Variants in FRS2 observed in about 807,000 individuals in gnomAD.
FRS2 encodes the protein fibroblast growth factor receptor substrate 2, also known as FGFR signalling adaptor.
A neutral mutation model predicts 43.9 loss-of-function variants in FRS2; 8 were observed. The ratio of observed to expected loss-of-function variants is 0.18; its 90% CI spans 0.11 to 0.33. The LOEUF is 0.33. Among genes scored for constraint, FRS2 ranks in the 10% least tolerant of loss-of-function variants. The pLI, the probability that FRS2 is intolerant of heterozygous loss-of-function variation, is 1.00. For missense variants in FRS2, 534 were observed against 627.6 expected (o/e 0.85, Z 1.59); for synonymous variants, 219 against 220.3 (o/e 0.99, Z 0.05).
At chr12:69,557,377 A>C (rs776123674) in intron 3 of FRS2, among the ~76,000 whole-genome samples, 1 of 152,168 alleles carries the variant, frequency 6.6e-6, no homozygotes, top group Non-Finnish European at 1.5e-5. Flanking sequence ...GTTAATGATA[A>C]TCGTTTTCTA....
At chr12:69,486,890 G>GA (rs1166973894) in intron 1 of FRS2, among the ~76,000 whole-genome samples, 6 of 152,276 alleles carry the variant, frequency 3.9e-5, no homozygotes, top group Middle Eastern at 3.4e-3. Flanking sequence ...GGAAGCTGCA[G>GA]AAAAAAGGTT....
rs541897312 is a variant in FRS2, at chr12:69,547,431, C to T, written c.-121-14749C>T. ...GAGCTATGGTCACATCACTGCCCTC[C>T]TGCCTAGTTGACAGAGTGAGACCCT... On this transcript the variant is annotated intron_variant, in intron 3 of 8. Transcript: ENST00000549921. Among the ~76,000 whole-genome samples, 26 of 152,140 alleles carry T rather than the reference C, an allele frequency of 1.7e-4. 1 individual carries two copies. In the South Asian group the frequency reaches 5.2e-3, roughly 30 times the overall value.
At chr12:69,499,894 A>G (rs1228758657) in intron 1 of FRS2, among the ~76,000 whole-genome samples, 1 of 152,202 alleles carries the variant, frequency 6.6e-6, no homozygotes, top group Non-Finnish European at 1.5e-5. Flanking sequence ...ATTTGGGGTC[A>G]TCAAATAAGC....
At chr12:69,562,600 TA>T (rs1306972145) in intron 4 of FRS2, among the ~76,000 whole-genome samples, 2 of 152,218 alleles carry the variant, frequency 1.3e-5, no homozygotes. Context: ...TTTACTAATT[TA>T]AAGTATTCAG....
chr12:69,565,538 A>G (rs1880219101), intron 4 of FRS2, among the ~76,000 whole-genome samples: 1 of 152,222 alleles, frequency 6.6e-6, no homozygotes, highest in East Asian at 1.9e-4. Context: ...ACAGCAGTAC[A>G]GAAGTATTTT....
intron 3 of FRS2, among the ~76,000 whole-genome samples, chr12:69,543,802 A>C (rs555009150): frequency 6.6e-6 from 1 of 152,344 alleles, no homozygotes; most frequent in East Asian, 1.9e-4. Context: ...TAGAAACAGC[A>C]AGGAGGCCAC....
At chr12:69,528,276 G>T (rs1876456806) in intron 1 of FRS2, among the ~76,000 whole-genome samples, 1 of 152,180 alleles carries the variant, frequency 6.6e-6, no homozygotes, top group Admixed American at 6.5e-5. Context: ...GTCATAGCTA[G>T]TTTAGTCATG....
intron 4 of FRS2, among the ~76,000 whole-genome samples, chr12:69,562,501 G>A (rs1879955067): frequency 6.6e-6 from 1 of 151,782 alleles, no homozygotes; most frequent in Admixed American, 6.6e-5. Flanking sequence ...ATGTTTTCTT[G>A]AACTGCAACC....
chr12:69,525,946 G>A (rs373101125), intron 1 of FRS2, among the ~76,000 whole-genome samples: 14 of 152,004 alleles, frequency 9.2e-5, no homozygotes, highest in East Asian at 7.7e-4. Flanking sequence ...ACTTCCTTCC[G>A]CCCCCTGGGT....
chr12:69,576,821 G>C lies in FRS2; in HGVS notation c.*1866G>C, dbSNP rs1043819811. 1 of 152,518 alleles carries C rather than the reference G, an allele frequency of 6.6e-6. No individual in the cohort carries two copies. Among genetic ancestry groups the C allele is most frequent in the African/African-American group, 2.4e-5 (1 of 41,386 alleles). 9.4% of individuals were successfully genotyped at this position (152,518 alleles called of 1,614,324 possible). Reference sequence around the variant, plus strand: ...CTCCCTTTTGTTCCCCTGTGAACTTGGTGCTTATTAAAGTGCTCACTGTTC... The same window carrying C: ...CTCCCTTTTGTTCCCCTGTGAACTTCGTGCTTATTAAAGTGCTCACTGTTC... On this transcript the variant is annotated 3_prime_UTR_variant, in exon 9 of 9. Transcript: ENST00000549921.
At chr12:69,554,195 A>G (rs980143490) in intron 3 of FRS2, among the ~76,000 whole-genome samples, 17 of 152,192 alleles carry the variant, frequency 1.1e-4, no homozygotes, top group African/African-American at 4.1e-4. Context: ...CCCTTCAGTA[A>G]GTATTGATTT....
At position 69,528,001 on chromosome 12, in the gene FRS2, A is replaced by G. The variant is rs1351716228; in HGVS notation, c.-260-2864A>G. Reference sequence around the variant, plus strand: ...TGTACCTTAAAGTAAGTGAAAATAGATTGTTCAGATGAAAGGTATGTGGAT... The same window carrying G: ...TGTACCTTAAAGTAAGTGAAAATAGGTTGTTCAGATGAAAGGTATGTGGAT... On this transcript the variant is annotated intron_variant, in intron 1 of 8. Transcript: ENST00000549921. Among the ~76,000 whole-genome samples the G allele has an allele frequency of 2.4e-5, 3 of 125,498 alleles. No individual in the cohort carries two copies. In the Admixed American group the frequency reaches 2.4e-4, roughly 10 times the overall value. The allele number at this position is 125,498 out of a possible 152,430, so 82.3% of individuals were successfully genotyped here.
At chr12:69,492,364 C>G (rs1199471536) in intron 1 of FRS2, among the ~76,000 whole-genome samples, 1 of 151,976 alleles carries the variant, frequency 6.6e-6, no homozygotes, top group Non-Finnish European at 1.5e-5. Context: ...CTAGTTCCAC[C>G]CAGGGGATCC....
Position 69,571,413 on chromosome 12 carries a change from A to C in FRS2, c.391A>C (p.Arg131=). Residue 131 remains arginine (R), a synonymous_variant, in exon 7 of 9, where the codon AGA becomes CGA. Coordinates refer to ENST00000549921, the MANE Select transcript of FRS2 (RefSeq NM_001278356.2). ...NNHQTELEVP[R]TPRTPTTPGF... ...TCATCAGACAGAATTGGAAGTCCCT[A>C]GAACACCTCGAACACCTACAAGTAA... The C allele has an allele frequency of 6.2e-7, 1 of 1,612,942 alleles. No homozygotes were observed.
intron 1 of FRS2, among the ~76,000 whole-genome samples, chr12:69,511,312 G>A (rs1874431218): frequency 2.6e-5 from 4 of 152,256 alleles, no homozygotes; most frequent in African/African-American, 7.2e-5. Flanking sequence ...GGGAGAATAA[G>A]ACACAGTTGT....
intron 3 of FRS2, among the ~76,000 whole-genome samples, chr12:69,539,799 C>G (rs77376552): frequency 0.055 from 8,373 of 151,868 alleles, 580 homozygotes; most frequent in East Asian, 0.38. Flanking sequence ...ACTAAAAATA[C>G]AAAAAATTAG....
At chr12:69,487,952 A>T (rs1378229995) in intron 1 of FRS2, among the ~76,000 whole-genome samples, 1 of 152,226 alleles carries the variant, frequency 6.6e-6, no homozygotes, top group Non-Finnish European at 1.5e-5. Flanking sequence ...TTAGAACTAC[A>T]GCCTTAGGAT....
At position 69,575,159 on chromosome 12, in the gene FRS2, G is replaced by A. The variant is rs1881104636; in HGVS notation, c.*204G>A. On this transcript the variant is annotated 3_prime_UTR_variant, in exon 9 of 9. Transcript: ENST00000549921. ...ACACTAATTTCATTATATACTACTC[G>A]TTGTACAGCAGCATTCCCGTTTTCA... is the stretch of plus-strand genomic sequence containing the variant. 8.0e-6 allele frequency: 4 copies of A among 498,836 alleles called. No individual in the cohort carries two copies. The highest frequency in any genetic ancestry group is 6.1e-5 in the East Asian group (2 of 32,802). 30.9% of individuals were successfully genotyped at this position (498,836 alleles called of 1,614,324 possible).
chr12:69,506,469 G>A (rs1366909307), intron 1 of FRS2, among the ~76,000 whole-genome samples: 1 of 152,000 alleles, frequency 6.6e-6, no homozygotes, highest in African/African-American at 2.4e-5. Context: ...GTACTGATAT[G>A]TATTCTGTTT....
Sources: gnomAD v4.1 joint callset for allele counts (sites outside exome capture counted in the v4.1 genomes callset) on GRCh38, gnomAD v4.1.1 for gene constraint, MANE v1.5 for transcripts, NCBI Gene and HGNC (gene_info 2026-07-23, HGNC 2026-07-21) for gene names.